The following KALRN variants were observed in gnomAD, a reference collection of about 807,000 sequenced individuals.
KALRN encodes the protein kalirin RhoGEF kinase, also known as kalirin.
Under a neutral mutation model 353.7 loss-of-function variants are expected in KALRN, and 70 were observed. The observed-to-expected ratio is 0.20, with a 90% confidence interval of 0.16 to 0.24. The LOEUF is 0.24. Ranked by LOEUF, KALRN falls within the 10% of genes least tolerant of loss-of-function variation. The pLI, the probability that KALRN is intolerant of heterozygous loss-of-function variation, is 1.00. For missense variants in KALRN, 2,791 were observed against 3,756.7 expected (o/e 0.74, Z 6.72); for synonymous variants, 1,391 against 1,434.8 (o/e 0.97, Z 0.69).
intron 1 of KALRN, among the ~76,000 whole-genome samples, chr3:124,143,522 T>C (rs1252763697): frequency 6.6e-6 from 1 of 152,164 alleles, no homozygotes; most frequent in Non-Finnish European, 1.5e-5. Context: ...TGTGTGGCCC[T>C]GGGTGGGTCC....
chr3:124,038,598 A>G (rs2039645446), intron 1 of KALRN, among the ~76,000 whole-genome samples: 1 of 152,194 alleles, frequency 6.6e-6, no homozygotes, highest in South Asian at 2.1e-4. Context: ...TTTTTCTTTA[A>G]GGTGCAAAGG....
rs1561463767 is a variant in KALRN, at chr3:124,628,307, TC to T, written c.5183-4110del. Among the ~76,000 whole-genome samples the T allele has an allele frequency of 3.2e-3, 10 of 3,124 alleles. 1 individual carries two copies. Among genetic ancestry groups the T allele is most frequent in the African/African-American group, 0.015 (9 of 582 alleles). 2.0% of individuals were successfully genotyped at this position (3,124 alleles called of 152,430 possible). On this transcript the variant is annotated intron_variant, in intron 34 of 59. Coordinates refer to ENST00000682506, the MANE Select transcript of KALRN (RefSeq NM_001388419.1). The stretch of plus-strand genomic sequence containing the variant: ...TTCCCTCCCTCCCTCCTTCATTCCC[TC>T]CCTCCCCCCTCCTTCCTTCCCTCCC...
chr3:124,064,384 A>G (rs2042192524), intron 1 of KALRN, among the ~76,000 whole-genome samples: 1 of 152,148 alleles, frequency 6.6e-6, no homozygotes, highest in Non-Finnish European at 1.5e-5. Context: ...TTTGGTTTGT[A>G]GAGGTCTGCT....
intron 1 of KALRN, among the ~76,000 whole-genome samples, chr3:124,195,747 T>C (rs2075361842): frequency 6.6e-6 from 1 of 152,144 alleles, no homozygotes; most frequent in South Asian, 2.1e-4. Context: ...CAGCTGAACA[T>C]GGGGTGCTTT....
chr3:124,473,776 G>A (rs1187979137), intron 25 of KALRN, among the ~76,000 whole-genome samples: 2 of 152,184 alleles, frequency 1.3e-5, no homozygotes, highest in East Asian at 1.9e-4. Context: ...TCAAATTGCA[G>A]AGTCAAAAGA....
chr3:124,233,354 A>G (rs1021033427), intron 2 of KALRN, among the ~76,000 whole-genome samples: 1 of 152,176 alleles, frequency 6.6e-6, no homozygotes, highest in African/African-American at 2.4e-5. Flanking sequence ...GTGGAAGGCA[A>G]TGGAGAGATG....
chr3:124,412,011 C>T (rs1290011953), intron 13 of KALRN, among the ~76,000 whole-genome samples: 1 of 152,078 alleles, frequency 6.6e-6, no homozygotes, highest in Non-Finnish European at 1.5e-5. Context: ...TTCAATTTCC[C>T]CATTTCTGCT....
intron 17 of KALRN, 29 bp from the exon 18 acceptor site, chr3:124,438,859 A>G (rs1236440203): frequency 1.3e-6 from 2 of 1,589,388 alleles, no homozygotes; most frequent in Non-Finnish European, 1.7e-6. Context: ...TAATTAATTT[A>G]CTGAGTCTTT....
intron 34 of KALRN, among the ~76,000 whole-genome samples, chr3:124,631,582 A>T (rs1170677682): frequency 6.6e-6 from 1 of 152,102 alleles, no homozygotes; most frequent in Non-Finnish European, 1.5e-5. Context: ...CCAGAATCTG[A>T]TCACTTCTAA....
chr3:124,446,735 G>C, intron 20 of KALRN, 28 bp from the exon 21 acceptor site: 1 of 1,612,662 alleles, frequency 6.2e-7, no homozygotes, highest in Non-Finnish European at 8.5e-7. Flanking sequence ...GCCTTTTTGG[G>C]GACTGGATGA....
At chr3:124,242,589 G>A (rs1286680598) in intron 3 of KALRN, among the ~76,000 whole-genome samples, 2 of 152,174 alleles carry the variant, frequency 1.3e-5, no homozygotes, top group Non-Finnish European at 2.9e-5. Flanking sequence ...AGGGCGGTAG[G>A]GAAGGGCACC....
At chr3:124,627,465 T>C (rs932045833) in intron 34 of KALRN, among the ~76,000 whole-genome samples, 1 of 152,228 alleles carries the variant, frequency 6.6e-6, no homozygotes, top group Admixed American at 6.5e-5. Flanking sequence ...TGTGCATTTG[T>C]GAATCTCAAA....
chr3:124,301,396 A>T (rs1450686490), intron 6 of KALRN, among the ~76,000 whole-genome samples: 1 of 152,210 alleles, frequency 6.6e-6, no homozygotes. Context: ...ACAGCCAATT[A>T]GTGTGTCCCA....
At chr3:124,080,065 T>C in intron 1 of KALRN, 2 of 471,252 alleles carry the variant, frequency 4.2e-6, no homozygotes, top group Non-Finnish European at 8.8e-6. Context: ...CAGAATTGGA[T>C]CCAACCCATT....
intron 1 of KALRN, among the ~76,000 whole-genome samples, chr3:124,060,121 G>C (rs1034952989): frequency 8.5e-5 from 13 of 152,128 alleles, no homozygotes; most frequent in African/African-American, 2.9e-4. Flanking sequence ...TTCTCCACTG[G>C]CTTCGCTGAC....
At chr3:124,600,172 C>T (rs2076659581) in intron 34 of KALRN, among the ~76,000 whole-genome samples, 1 of 152,210 alleles carries the variant, frequency 6.6e-6, no homozygotes, top group Non-Finnish European at 1.5e-5. Context: ...TCCCAAGGGA[C>T]TGTTGGAGTT....
chr3:124,354,923 G>A (rs141668309), intron 10 of KALRN, among the ~76,000 whole-genome samples: 147 of 152,314 alleles, frequency 9.7e-4, no homozygotes, highest in African/African-American at 3.5e-3. Flanking sequence ...ACACAGAAAT[G>A]AGCCATCATG....
intron 33 of KALRN, chr3:124,504,709 CA>C (rs2065014462): frequency 7.7e-6 from 3 of 389,164 alleles, no homozygotes; most frequent in South Asian, 5.8e-5. Context: ...GCCTCTCAAG[CA>C]AATTCTGGTT....
At chr3:124,574,572 A>G (rs2073895302) in intron 34 of KALRN, among the ~76,000 whole-genome samples, 1 of 152,240 alleles carries the variant, frequency 6.6e-6, no homozygotes, top group Admixed American at 6.5e-5. Context: ...ATTTGATCCC[A>G]GAGAAGAAAG....
Sources: allele counts gnomAD v4.1 joint callset (sites outside exome capture counted in the v4.1 genomes callset), GRCh38; gene constraint gnomAD v4.1.1; transcripts MANE v1.5; gene names NCBI Gene and HGNC (gene_info 2026-07-23, HGNC 2026-07-21).